DOCK8: variants seen among roughly 807,000 people sequenced by gnomAD.
DOCK8 encodes the protein dedicator of cytokinesis 8, also known as dedicator of cytokinesis protein 8.
DOCK8 carries 141 observed loss-of-function variants against 245.6 expected under a neutral mutation model. The observed-to-expected ratio is 0.57, with a 90% CI of 0.50 to 0.66. The LOEUF (loss-of-function observed/expected upper bound fraction) is 0.66. Ranked by LOEUF, DOCK8 falls within the 30% of genes least tolerant of loss-of-function variation. DOCK8 has a pLI of 0.00. For synonymous variants in DOCK8, 1,168 were observed against 970.2 expected (o/e 1.20, Z -3.79); for missense variants, 2,965 against 2,603.4 (o/e 1.14, Z -3.02).
intron 27 of DOCK8, 112 bp downstream of exon 27, chr9:405,185 C>G: frequency 9.2e-7 from 1 of 1,086,782 alleles, no homozygotes; most frequent in South Asian, 1.4e-5. Flanking sequence ...GACAAAAAAT[C>G]AAACAATTCA....
intron 14 of DOCK8, among the ~76,000 whole-genome samples, chr9:345,137 C>T (rs958084866): frequency 1.3e-5 from 2 of 152,306 alleles, no homozygotes; most frequent in East Asian, 3.9e-4. Context: ...TTCCAAGAGT[C>T]TGTCAGGTAA....
At position 336,610 on chromosome 9, in the gene DOCK8, A is replaced by G. The variant is rs778295305; in HGVS notation, c.1314A>G (p.Thr438=). The G allele has an allele frequency of 1.7e-5, 28 of 1,614,204 alleles. No individual in the cohort carries two copies. Among genetic ancestry groups the G allele is most frequent in the Non-Finnish European group, 2.4e-5 (28 of 1,180,022 alleles). ...GAAGCTCAGTGGGTGAACGGAGGACATTGGCCCAATCTAGAAGGCTTTCTG... is the reference window on the plus strand; with the variant it reads ...GAAGCTCAGTGGGTGAACGGAGGACGTTGGCCCAATCTAGAAGGCTTTCTG... ...VGRSSVGERR[T]LAQSRRLSER... The change falls in exon 12 of 48, where the codon ACA becomes ACG. Residue 438 remains threonine, a synonymous_variant. Coordinates refer to ENST00000432829, the MANE Select transcript of DOCK8 (RefSeq NM_203447.4).
chr9:237,255 G>T (rs2047274441), intron 1 of DOCK8, among the ~76,000 whole-genome samples: 2 of 152,244 alleles, frequency 1.3e-5, no homozygotes, highest in East Asian at 3.8e-4. Context: ...AACAAGTACA[G>T]CTGAAGCACC....
intron 26 of DOCK8, among the ~76,000 whole-genome samples, chr9:403,907 T>TAC (rs2055247480): frequency 7.9e-5 from 7 of 88,626 alleles, no homozygotes; most frequent in African/African-American, 4.5e-4. Context: ...TATATATATA[T>TAC]ATATATATAC....
At chr9:388,990 T>C (rs2054071833) in intron 23 of DOCK8, among the ~76,000 whole-genome samples, 1 of 152,166 alleles carries the variant, frequency 6.6e-6, no homozygotes, top group Non-Finnish European at 1.5e-5. Context: ...CTTTCTTACC[T>C]ACTTTCTTAC....
chr9:259,005 GAA>G (rs112655646), intron 1 of DOCK8, among the ~76,000 whole-genome samples: 16,846 of 148,142 alleles, frequency 0.11, 1,075 homozygotes, highest in South Asian at 0.16. Context: ...TTTAGAAAAA[GAA>G]AAAAAAAAAC....
intron 14 of DOCK8, among the ~76,000 whole-genome samples, chr9:358,486 T>C (rs1352033013): frequency 6.6e-6 from 1 of 152,102 alleles, no homozygotes; most frequent in Non-Finnish European, 1.5e-5. Flanking sequence ...GAGAGAGAAA[T>C]AAATCTAAGT....
chr9:413,209 CAAAA>C (rs1343792801), intron 28 of DOCK8, among the ~76,000 whole-genome samples: 1 of 152,042 alleles, frequency 6.6e-6, no homozygotes, highest in African/African-American at 2.4e-5. Context: ...TATCCACACT[CAAAA>C]GAATGAAGTT....
chr9:418,958 G>T (rs73639213), intron 30 of DOCK8, among the ~76,000 whole-genome samples: 9,703 of 152,150 alleles, frequency 0.064, 983 homozygotes, highest in African/African-American at 0.21. Context: ...GCTTTTCTAG[G>T]ACCCCAGGGA....
intron 9 of DOCK8, among the ~76,000 whole-genome samples, chr9:330,949 C>T (rs2050982547): frequency 6.6e-6 from 1 of 152,216 alleles, no homozygotes; most frequent in African/African-American, 2.4e-5. Flanking sequence ...ACTTCTCCTG[C>T]TTCCTGTATG....
chr9:235,490 C>T lies in DOCK8; in HGVS notation c.53+20461C>T, dbSNP rs554743822. On this transcript the variant is annotated intron_variant, in intron 1 of 47. Transcript: ENST00000432829. ...CTTTTTGTTTGTCTGTGCCCTGCCCCCAGAAGTGGAGCCTACAGAGGCAGG... is the reference window on the plus strand; with the variant it reads ...CTTTTTGTTTGTCTGTGCCCTGCCCTCAGAAGTGGAGCCTACAGAGGCAGG... Among the ~76,000 whole-genome samples, 90 of 152,334 alleles carry T rather than the reference C, an allele frequency of 5.9e-4. 2 individuals carry two copies. The South Asian group carries it at 0.015, about 26-fold the overall frequency.
chr9:404,592 AAATT>A (rs1174938884), intron 26 of DOCK8, among the ~76,000 whole-genome samples: 4 of 152,168 alleles, frequency 2.6e-5, no homozygotes, highest in South Asian at 2.1e-4. Flanking sequence ...AGTTTTTGTA[AAATT>A]AATTATGTTA....
At chr9:276,655 A>G (rs900402951) in intron 2 of DOCK8, among the ~76,000 whole-genome samples, 3 of 152,180 alleles carry the variant, frequency 2.0e-5, no homozygotes, top group Non-Finnish European at 4.4e-5. Flanking sequence ...CCCTGTGTGT[A>G]GACTCACTTA....
chr9:215,434 G>A (rs2046727311), intron 1 of DOCK8: 1 of 1,505,858 alleles, frequency 6.6e-7, no homozygotes, highest in Non-Finnish European at 8.8e-7. Flanking sequence ...TGAGCGCGGG[G>A]GGAAGAAGTG....
chr9:396,920 G>C lies in DOCK8; in HGVS notation c.3106G>C (p.Val1036Leu). Reference sequence around the variant, plus strand: ...CACCTCGGAAATTGCAGCCCTTTTAGTAAAACCACAGAAGGTAACTGTATT... The same window carrying C: ...CACCTCGGAAATTGCAGCCCTTTTACTAAAACCACAGAAGGTAACTGTATT... Reference protein sequence around the residue: ...VVTSEIAALLVKPQKENEQAE... With the variant: ...VVTSEIAALLLKPQKENEQAE... The change falls in exon 25 of 48, where the codon GTA (valine) becomes CTA (leucine). Residue 1036 changes from valine (V) to leucine (L), a missense_variant. Val to Leu is a conservative substitution (Grantham distance 32). This residue lies in a region of DOCK8 where 2,825 missense variants were observed against 2,453.5 expected (regional missense o/e 1.15). Coordinates refer to ENST00000432829, the MANE Select transcript of DOCK8 (RefSeq NM_203447.4). The C allele has an allele frequency of 6.2e-7, 1 of 1,613,926 alleles. No individual in the cohort carries two copies. Among genetic ancestry groups the C allele is most frequent in the East Asian group, 2.2e-5 (1 of 44,884 alleles).
intron 2 of DOCK8, among the ~76,000 whole-genome samples, chr9:274,308 A>G (rs1170503608): frequency 6.6e-6 from 1 of 152,034 alleles, no homozygotes; most frequent in Non-Finnish European, 1.5e-5. Context: ...TCTTGGTTCT[A>G]TTTGCATGTG....
upstream of DOCK8, chr9:214,652 C>T: frequency 6.2e-7 from 1 of 1,608,850 alleles, no homozygotes; most frequent in Non-Finnish European, 8.5e-7. Context: ...GCCCGCGCTC[C>T]CTTCGGCCGG....
chr9:446,594 C>G lies in DOCK8; in HGVS notation c.5805C>G (p.Ile1935Met), dbSNP rs2057269247. 6.2e-7 allele frequency: 1 copy of G among 1,614,018 alleles called. No individual in the cohort carries two copies. Among genetic ancestry groups the G allele is most frequent in the African/African-American group, 1.3e-5 (1 of 74,916 alleles). The change falls in exon 44 of 48, where the codon ATC becomes ATG. Residue 1935 changes from isoleucine (I) to methionine (M), a missense_variant. This residue lies in a region of DOCK8 where 2,825 missense variants were observed against 2,453.5 expected (regional missense o/e 1.15). Coordinates refer to ENST00000432829, the MANE Select transcript of DOCK8 (RefSeq NM_203447.4). ...FPYIKTRISV[I>M]QKEEFVLTPI... ...ACATCAAGACCAGGATCAGCGTCAT[C>G]CAGAAGGAGGAGGTAATGCACCCAA... is the stretch of plus-strand genomic sequence containing the variant.
chr9:446,658 C>G (rs2057272833), intron 44 of DOCK8, 52 bp downstream of exon 44: 2 of 1,512,712 alleles, frequency 1.3e-6, no homozygotes, highest in Non-Finnish European at 1.8e-6. Flanking sequence ...TGGGTGGCCT[C>G]CCAGGAGGAC....
Sources: gnomAD v4.1 joint callset for allele counts (sites outside exome capture counted in the v4.1 genomes callset) on GRCh38, gnomAD v4.1.1 for gene constraint, gnomAD v4.1.1 regional missense constraint, MANE v1.5 for transcripts, NCBI Gene and HGNC (gene_info 2026-07-23, HGNC 2026-07-21) for gene names.